The following PTPRC variants were observed in gnomAD, a reference collection of about 807,000 sequenced individuals.
PTPRC encodes receptor-type tyrosine-protein phosphatase C.
A neutral mutation model predicts 155.9 loss-of-function variants in PTPRC; 44 were observed. The ratio of observed to expected loss-of-function variants is 0.28; its 90% CI spans 0.22 to 0.36. PTPRC has a LOEUF of 0.36. PTPRC is among the 10% of genes least tolerant of loss of function. The pLI, the probability that PTPRC is intolerant of heterozygous loss-of-function variation, is 1.00. For missense variants in PTPRC, 1,401 were observed against 1,564.6 expected (o/e 0.90, Z 1.76); for synonymous variants, 525 against 533.1 (o/e 0.98, Z 0.21).
At chr1:198,754,190 C>T (rs1655515825) in intron 31 of PTPRC, 79 bp from the exon 32 acceptor site, 1 of 1,460,736 alleles carries the variant, frequency 6.8e-7, no homozygotes, top group African/African-American at 1.4e-5. Context: ...AATATATTCT[C>T]TCTCTTCCTG....
intron 4 of PTPRC, among the ~76,000 whole-genome samples, chr1:198,697,650 A>G (rs78479704): frequency 6.6e-6 from 1 of 152,326 alleles, no homozygotes; most frequent in Admixed American, 6.5e-5. Context: ...TAGAGTGTTC[A>G]TGCTTTTCTG....
At chr1:198,727,343 T>A (rs967827419) in intron 15 of PTPRC, among the ~76,000 whole-genome samples, 1 of 152,208 alleles carries the variant, frequency 6.6e-6, no homozygotes, top group African/African-American at 2.4e-5. Flanking sequence ...TTATTAATTA[T>A]CTATTTTTCT....
chr1:198,669,191 C>T (rs1269477438), intron 2 of PTPRC, among the ~76,000 whole-genome samples: 2 of 152,178 alleles, frequency 1.3e-5, no homozygotes, highest in Admixed American at 6.5e-5. Context: ...AATGAACACA[C>T]TTATTTTCAG....
rs1348452930 is a variant in PTPRC at position 198,715,747 on chromosome 1, AAATT to A, written c.1292-929_1292-926del. 2.6e-5 allele frequency among the ~76,000 whole-genome samples: 4 copies of A among 152,226 alleles called. No individual in the cohort carries two copies. In the East Asian group the frequency reaches 7.7e-4, roughly 29 times the overall value. ...CCAACTAATAGTTGCAGTGATGGTTAAATTAATTATTTCATGTATACCCCTTGAA... is the reference window on the plus strand; with the variant it reads ...CCAACTAATAGTTGCAGTGATGGTTAAATTATTTCATGTATACCCCTTGAA... On this transcript the variant is annotated intron_variant, in intron 12 of 32. Transcript: ENST00000442510.
chr1:198,742,441 A>G, intron 25 of PTPRC, 74 bp downstream of exon 25: 1 of 1,572,264 alleles, frequency 6.4e-7, no homozygotes, highest in Non-Finnish European at 8.7e-7. Flanking sequence ...GATAATAATG[A>G]TATTTTTTAA....
At position 198,747,385 on chromosome 1, in the gene PTPRC, C is replaced by A. The variant is rs565438532; in HGVS notation, c.2848-724C>A. ...GTAAGGCTGGAGAAACAGTCAGGGGCGTATCAATAAAGACTTTTTATGCTA... is the reference window on the plus strand; with the variant it reads ...GTAAGGCTGGAGAAACAGTCAGGGGAGTATCAATAAAGACTTTTTATGCTA... On this transcript the variant is annotated intron_variant, in intron 26 of 32. Transcript: ENST00000442510. 1.1e-4 allele frequency among the ~76,000 whole-genome samples: 16 copies of A among 151,684 alleles called. No individual in the cohort carries two copies. The East Asian group carries it at 2.9e-3, about 28-fold the overall frequency.
At chr1:198,747,323 G>A (rs1223247305) in intron 26 of PTPRC, among the ~76,000 whole-genome samples, 2 of 151,714 alleles carry the variant, frequency 1.3e-5, no homozygotes, top group African/African-American at 4.8e-5. Context: ...AATTGAGGAA[G>A]CTGGTTTGGT....
rs1368505837 is a variant in PTPRC at position 198,734,368 on chromosome 1, T to C, written c.2220T>C (p.Ile740=). ...CTGTTGATGATTTCTGGAGGATGATTTGGGAACAGAAAGCCACAGTTATTG... is the reference window on the plus strand; with the variant it reads ...CTGTTGATGATTTCTGGAGGATGATCTGGGAACAGAAAGCCACAGTTATTG... ...DETVDDFWRM[I]WEQKATVIVM... Residue 740 remains isoleucine (I), a synonymous_variant, in exon 22 of 33, where the codon ATT becomes ATC. Transcript: ENST00000442510. The C allele has an allele frequency of 6.2e-7, 1 of 1,611,234 alleles. No individual in the cohort carries two copies. Among genetic ancestry groups the C allele is most frequent in the South Asian group, 1.1e-5 (1 of 91,034 alleles).
At chr1:198,725,062 A>C (rs1342265824) in intron 15 of PTPRC, among the ~76,000 whole-genome samples, 1 of 152,150 alleles carries the variant, frequency 6.6e-6, no homozygotes, top group East Asian at 1.9e-4. Context: ...TTGGCCTCCC[A>C]AAGTGCTGGG....
At chr1:198,686,289 T>G (rs949924196) in intron 2 of PTPRC, among the ~76,000 whole-genome samples, 3 of 152,088 alleles carry the variant, frequency 2.0e-5, no homozygotes, top group African/African-American at 7.2e-5. Context: ...GAAAAAGAGC[T>G]CTTAGATAAT....
chr1:198,715,315 G>T (rs1442370945), intron 12 of PTPRC, among the ~76,000 whole-genome samples: 1 of 151,896 alleles, frequency 6.6e-6, no homozygotes, highest in African/African-American at 2.4e-5. Context: ...AGTAGAGACG[G>T]GGTTTCACTG....
At chr1:198,694,956 G>A (rs1666122208) in intron 3 of PTPRC, 20 of 980,986 alleles carry the variant, frequency 2.0e-5, no homozygotes, top group Non-Finnish European at 2.4e-5. Flanking sequence ...GGATTTATTT[G>A]TGAGTTATTT....
chr1:198,661,036 C>T (rs1663933870), intron 2 of PTPRC, among the ~76,000 whole-genome samples: 1 of 152,060 alleles, frequency 6.6e-6, no homozygotes, highest in Non-Finnish European at 1.5e-5. Flanking sequence ...ACCACACACA[C>T]TCACTGAATA....
At chr1:198,707,674 A>AT in intron 9 of PTPRC, among the ~76,000 whole-genome samples, 1 of 152,338 alleles carries the variant, frequency 6.6e-6, no homozygotes, top group South Asian at 2.1e-4. Context: ...TACTGAGATA[A>AT]ATTACCAATT....
intron 2 of PTPRC, among the ~76,000 whole-genome samples, chr1:198,685,602 G>A (rs370290777): frequency 1.9e-4 from 28 of 150,870 alleles, no homozygotes; most frequent in African/African-American, 6.8e-4. Context: ...TATTGTCTGT[G>A]GACCATATAG....
In PTPRC at chr1:198,756,171, A is replaced by G; in HGVS notation, c.3911A>G (p.Gln1304Arg). Residue 1304 changes from glutamine to arginine, a missense_variant, in exon 33 of 33, where the codon CAA becomes CGA. By Grantham distance (43) the Gln-to-Arg change is conservative. Around this residue, in one of 3 missense-constraint regions of PTPRC, gnomAD observed 400 missense variants for 389.5 expected, o/e 1.03. Coordinates refer to ENST00000442510, the MANE Select transcript of PTPRC (RefSeq NM_002838.5). ...GGTCCTGCAAGTCCAGCTTTAAATC[A>G]AGGTTCATAGGAAAAGACATAAATG... ...VNGPASPALN[Q>R]GS 1 of 1,613,158 alleles carries G rather than the reference A, an allele frequency of 6.2e-7. No homozygotes were observed. Among genetic ancestry groups the G allele is most frequent in the Non-Finnish European group, 8.5e-7 (1 of 1,179,534 alleles).
chr1:198,750,712 C>G, intron 29 of PTPRC, 86 bp downstream of exon 29: 1 of 1,513,684 alleles, frequency 6.6e-7, no homozygotes, highest in Non-Finnish European at 9.1e-7. Flanking sequence ...CATCGCCATA[C>G]CCACGTCTTT....
chr1:198,649,617 G>A (rs978539641), intron 2 of PTPRC, among the ~76,000 whole-genome samples: 3 of 151,718 alleles, frequency 2.0e-5, no homozygotes, highest in Admixed American at 2.0e-4. Context: ...TTCCAATGAT[G>A]AAAAATTGGG....
At chr1:198,687,823 T>C (rs1665715751) in intron 2 of PTPRC, among the ~76,000 whole-genome samples, 1 of 152,196 alleles carries the variant, frequency 6.6e-6, no homozygotes, top group African/African-American at 2.4e-5. Flanking sequence ...CCTTATTTCC[T>C]TAGGGGCATT....
Sources: allele counts gnomAD v4.1 joint callset (sites outside exome capture counted in the v4.1 genomes callset), GRCh38; gene constraint gnomAD v4.1.1; regional missense constraint gnomAD v4.1.1; transcripts MANE v1.5; gene names NCBI Gene and HGNC (gene_info 2026-07-23, HGNC 2026-07-21).